The following RCVRN variants were observed in gnomAD, a reference collection of about 807,000 sequenced individuals.
RCVRN encodes recoverin.
RCVRN carries 23 observed loss-of-function variants against 20.4 expected under a neutral mutation model. The ratio of observed to expected loss-of-function variants is 1.13; its 90% CI spans 0.81 to 1.60. RCVRN has a LOEUF of 1.60. RCVRN is among the 40% of genes most tolerant of loss of function. The probability of loss-of-function intolerance (pLI) is 0.00; values close to 1 mark genes in which losing one functional copy is unlikely to be tolerated. For synonymous variants in RCVRN, 105 were observed against 105.9 expected (o/e 0.99, Z 0.05); for missense variants, 254 against 254.2 (o/e 1.00, Z 0.00).
chr17:9,898,147 C>T lies in RCVRN; in HGVS notation c.551G>A (p.Arg184Gln), dbSNP rs563368608. Residue 184 changes from arginine (R) to glutamine (Q), a missense_variant, in exon 3 of 3, where the codon CGA (arginine) becomes CAA (glutamine). Transcript: ENST00000226193. ...TTTTTGAGGCTCAAACTGGATCAGT[C>T]GCAGAATTTCCTTATTGGCCAGTGT... ...EGTLANKEIL[R>Q]LIQFEPQKVK... 1.1e-5 allele frequency: 18 copies of T among 1,614,038 alleles called. No individual in the cohort carries two copies. The highest frequency in any genetic ancestry group is 2.2e-5 in the South Asian group (2 of 91,082).
chr17:9,901,793 C>T (rs2067342953), intron 1 of RCVRN, among the ~76,000 whole-genome samples: 1 of 152,350 alleles, frequency 6.6e-6, no homozygotes, highest in Admixed American at 6.5e-5. Context: ...GGAAAGACTG[C>T]AAAAATAATC....
chr17:9,901,021 T>A lies in RCVRN; in HGVS notation c.461A>T (p.Lys154Met). The A allele has an allele frequency of 6.2e-7, 1 of 1,609,292 alleles. No homozygotes were observed. Among genetic ancestry groups the A allele is most frequent in the Non-Finnish European group, 8.5e-7 (1 of 1,176,154 alleles). The change falls in exon 2 of 3, where the codon AAG becomes ATG. Residue 154 changes from lysine (K) to methionine (M), a missense_variant. Lys to Met is a moderately conservative substitution (Grantham distance 95). Transcript: ENST00000226193. ...ATTCTTTCCAAAGTACTTCCAGATCTTCTCGGCTCGCTTTTCCGGCGTGTT... is the reference window on the plus strand; with the variant it reads ...ATTCTTTCCAAAGTACTTCCAGATCATCTCGGCTCGCTTTTCCGGCGTGTT... ...DENTPEKRAE[K>M]IWKYFGKNDD...
In RCVRN at chr17:9,904,714, C is replaced by T. The variant is rs375317646; in HGVS notation, c.381+86G>A. On this transcript the variant is annotated intron_variant, in intron 1 of 2. Transcript: ENST00000226193. The surrounding 1 kb of genome is among the most constrained non-coding windows in gnomAD (Gnocchi z 5.8). ...ATCCCCCGCTCCACCCACAGATCCACTCCCTCTGCAGCAGCTGCAGCAGGG... is the reference window on the plus strand; with the variant it reads ...ATCCCCCGCTCCACCCACAGATCCATTCCCTCTGCAGCAGCTGCAGCAGGG... 1 of 1,475,498 alleles carries T rather than the reference C, an allele frequency of 6.8e-7. No individual in the cohort carries two copies. Among genetic ancestry groups the T allele is most frequent in the African/African-American group, 1.4e-5 (1 of 72,084 alleles). The allele number at this position is 1,475,498 out of a possible 1,614,324, so 91.4% of individuals were successfully genotyped here. A position where few individuals can be genotyped will look rare whatever the true frequency, so the allele number is the denominator to read the frequency against.
chr17:9,901,556 C>T, intron 1 of RCVRN, among the ~76,000 whole-genome samples: 1 of 152,156 alleles, frequency 6.6e-6, no homozygotes, highest in East Asian at 1.9e-4. Flanking sequence ...CCCTTCAGCC[C>T]CCTGGTGCTG....
chr17:9,902,373 C>A (rs554500085), intron 1 of RCVRN, among the ~76,000 whole-genome samples: 2 of 152,262 alleles, frequency 1.3e-5, no homozygotes, highest in South Asian at 4.2e-4. Context: ...CCACAAGCTG[C>A]ATGCTCTGCT....
At chr17:9,898,445 TG>T (rs34548700) in intron 2 of RCVRN, among the ~76,000 whole-genome samples, 3 of 152,240 alleles carry the variant, frequency 2.0e-5, no homozygotes, top group Non-Finnish European at 4.4e-5. Context: ...TGACTGGCAC[TG>T]GGGGGGCCCC....
chr17:9,905,026 A>C lies in RCVRN; in HGVS notation c.155T>G (p.Ile52Ser). 1 of 1,613,964 alleles carries C rather than the reference A, an allele frequency of 6.2e-7. No individual in the cohort carries two copies. The highest frequency in any genetic ancestry group is 1.3e-5 in the African/African-American group (1 of 75,022). Residue 52 changes from isoleucine to serine, a missense_variant, in exon 1 of 3, where the codon ATC becomes AGC. Transcript: ENST00000226193. Reference protein sequence around the residue: ...GRITQQQFQSIYAKFFPDTDP... With the variant: ...GRITQQQFQSSYAKFFPDTDP... ...GGTGTCGGGGAAGAACTTGGCGTAG[A>C]TGCTCTGGAACTGCTGCTGGGTGAT...
At chr17:9,898,428 CGGTGAATGACTGGCACTGGG>C (rs2067328250) in intron 2 of RCVRN, among the ~76,000 whole-genome samples, 1 of 152,194 alleles carries the variant, frequency 6.6e-6, no homozygotes, top group African/African-American at 2.4e-5. Context: ...CAGCAAAGAG[CGGTGAATGACTGGCACTGGG>C]GGGGCCCCCA....
At position 9,904,134 on chromosome 17, in the gene RCVRN, G is replaced by A. The variant is rs1186723579; in HGVS notation, c.381+666C>T. Among the ~76,000 whole-genome samples the A allele has an allele frequency of 2.0e-5, 3 of 152,120 alleles. No individual in the cohort carries two copies. The highest frequency in any genetic ancestry group is 1.9e-4 in the East Asian group (1 of 5,188). ...TGCACACCTGTAATCCCAGCTACTC[G>A]GGAGGCTGAGACAGGAGAATTGCTT... On this transcript the variant is annotated intron_variant, in intron 1 of 2. Coordinates refer to ENST00000226193, the MANE Select transcript of RCVRN (RefSeq NM_002903.3). The surrounding 1 kb of genome is among the most constrained non-coding windows in gnomAD (Gnocchi z 5.8).
intron 2 of RCVRN, among the ~76,000 whole-genome samples, chr17:9,900,295 C>A (rs76717417): frequency 6.6e-6 from 1 of 152,154 alleles, no homozygotes; most frequent in African/African-American, 2.4e-5. Flanking sequence ...CCCCAGCAGC[C>A]GAGTGCTGGA....
At chr17:9,898,692 T>C (rs752647543) in intron 2 of RCVRN, among the ~76,000 whole-genome samples, 1 of 151,836 alleles carries the variant, frequency 6.6e-6, no homozygotes, top group Non-Finnish European at 1.5e-5. Context: ...CCTCCAGAAA[T>C]AGGAGTGAGA....
chr17:9,898,135 A>G lies in RCVRN; in HGVS notation c.563T>C (p.Phe188Ser), dbSNP rs765516742. The part of the protein sequence containing the change: ...ANKEILRLIQ[F>S]EPQKVKEKMK... ...CTTTTCCTTCACTTTTTGAGGCTCA[A>G]ACTGGATCAGTCGCAGAATTTCCTT... The change falls in exon 3 of 3, where the codon TTT (phenylalanine) becomes TCT (serine). Residue 188 changes from phenylalanine to serine, a missense_variant. By Grantham distance (155) the Phe-to-Ser change is radical. Coordinates refer to ENST00000226193, the MANE Select transcript of RCVRN (RefSeq NM_002903.3). 1.9e-6 allele frequency: 3 copies of G among 1,613,854 alleles called. No homozygotes were observed. In the African/African-American group the frequency reaches 4.0e-5, roughly 22 times the overall value.
At position 9,896,756 on chromosome 17, in the gene RCVRN, C is replaced by T. The variant is rs1316879390; in HGVS notation, c.*1339G>A. The T allele has an allele frequency of 6.6e-6, 1 of 152,232 alleles. No individual in the cohort carries two copies. The highest frequency in any genetic ancestry group is 1.9e-4 in the East Asian group (1 of 5,198). The allele number at this position is 152,232 out of a possible 1,614,324, so 9.4% of individuals were successfully genotyped here. ...GTCTCTAAAACAAGGGGCTTTAGGG[C>T]CATCTATGGCTCTGCCTTCACCTCA... On this transcript the variant is annotated 3_prime_UTR_variant, in exon 3 of 3. Transcript: ENST00000226193.
In RCVRN at chr17:9,905,049, G is replaced by GTT. The variant is rs1222391530; in HGVS notation, c.131_132insAA (p.Gln46ProfsTer48). 1.9e-6 allele frequency: 3 copies of GTT among 1,613,288 alleles called. No homozygotes were observed. Among genetic ancestry groups the GTT allele is most frequent in the Non-Finnish European group, 2.5e-6 (3 of 1,179,578 alleles). On this transcript the variant is annotated frameshift_variant, in exon 1 of 3. Coordinates refer to ENST00000226193, the MANE Select transcript of RCVRN (RefSeq NM_002903.3). ...AGATGCTCTGGAACTGCTGCTGGGT[G>GTT]ATGCGGCCGGTGGGACAGTCCTTCA...
At chr17:9,900,294 C>T (rs2152054388) in intron 2 of RCVRN, among the ~76,000 whole-genome samples, 1 of 152,326 alleles carries the variant, frequency 6.6e-6, no homozygotes, top group Middle Eastern at 3.4e-3. Flanking sequence ...GCCCCAGCAG[C>T]CGAGTGCTGG....
At chr17:9,900,891 G>T (rs1384744847) in intron 2 of RCVRN, 98 bp downstream of exon 2, 24 of 759,240 alleles carry the variant, frequency 3.2e-5, no homozygotes, top group Non-Finnish European at 5.0e-5. Context: ...CCCCCATCCT[G>T]CCTGGACACT....
chr17:9,901,116 A>G lies in RCVRN; in HGVS notation c.382-16T>C. 1 of 1,471,004 alleles carries G rather than the reference A, an allele frequency of 6.8e-7. No homozygotes were observed. The highest frequency in any genetic ancestry group is 9.4e-7 in the Non-Finnish European group (1 of 1,061,608). 91.1% of individuals were successfully genotyped at this position (1,471,004 alleles called of 1,614,324 possible). Reference sequence around the variant, plus strand: ...TGAAAATAGCCTGTACCAAACAGAAAGAAAGAACTCGTTAGGAGGAACTTT... The same window carrying G: ...TGAAAATAGCCTGTACCAAACAGAAGGAAAGAACTCGTTAGGAGGAACTTT... On this transcript the variant is annotated splice_polypyrimidine_tract_variant and intron_variant, in intron 1 of 2. Transcript: ENST00000226193.
At chr17:9,900,433 T>A (rs1223100750) in intron 2 of RCVRN, among the ~76,000 whole-genome samples, 1 of 134,782 alleles carries the variant, frequency 7.4e-6, no homozygotes, top group East Asian at 1.9e-4. Flanking sequence ...CAACACTTCC[T>A]CAGACTGCAC....
chr17:9,898,833 A>C (rs976289981), intron 2 of RCVRN, among the ~76,000 whole-genome samples: 13 of 152,160 alleles, frequency 8.5e-5, no homozygotes, highest in Non-Finnish European at 1.8e-4. Context: ...CTATGCATCC[A>C]TCCCTGCGTC....
Sources: allele counts gnomAD v4.1 joint callset (sites outside exome capture counted in the v4.1 genomes callset), GRCh38; gene constraint gnomAD v4.1.1; non-coding constraint Gnocchi (gnomAD v3.1); transcripts MANE v1.5; gene names NCBI Gene and HGNC (gene_info 2026-07-23, HGNC 2026-07-21).